CEP83: variants seen among roughly 807,000 people sequenced by gnomAD.
CEP83 encodes the protein centrosomal protein 83.
In CEP83, 70 loss-of-function variants were observed where a neutral mutation model predicts 101.9. The ratio of observed to expected loss-of-function variants is 0.69; its 90% CI spans 0.57 to 0.84. The LOEUF is 0.84. Ranked by LOEUF, CEP83 falls within the 40% of genes least tolerant of loss-of-function variation. CEP83 has a pLI of 0.00. For synonymous variants in CEP83, 264 were observed against 267.9 expected (o/e 0.99, Z 0.14); for missense variants, 715 against 787.2 (o/e 0.91, Z 1.10).
chr12:94,430,810 C>T (rs557226748), intron 2 of CEP83, among the ~76,000 whole-genome samples: 7 of 152,276 alleles, frequency 4.6e-5, no homozygotes, highest in Admixed American at 3.9e-4. Flanking sequence ...CCACAAAGCA[C>T]GTTATAGTCA....
intron 1 of CEP83, among the ~76,000 whole-genome samples, chr12:94,452,498 A>G (rs1399268530): frequency 2.0e-5 from 3 of 152,220 alleles, no homozygotes; most frequent in Non-Finnish European, 4.4e-5. Flanking sequence ...TCACTAAGCC[A>G]CTTAATTGAC....
chr12:94,276,189 C>T, the CEP83 span, among the ~76,000 whole-genome samples: 1 of 152,154 alleles, frequency 6.6e-6, no homozygotes, highest in Non-Finnish European at 1.5e-5. Flanking sequence ...AACTATTAAA[C>T]AAGCTGAGAT....
chr12:94,318,333 A>G (rs1271385581), intron 14 of CEP83, among the ~76,000 whole-genome samples: 1 of 152,192 alleles, frequency 6.6e-6, no homozygotes, highest in East Asian at 1.9e-4. Flanking sequence ...GGTTTCCTAA[A>G]CATAAAACCA....
intron 1 of CEP83, among the ~76,000 whole-genome samples, chr12:94,450,389 C>T (rs2067161588): frequency 6.6e-6 from 1 of 152,060 alleles, no homozygotes; most frequent in Non-Finnish European, 1.5e-5. Context: ...GTAGCTGGGA[C>T]TACAGGTGCC....
rs138485039 is a variant in CEP83, at chr12:94,356,482, G to A, written c.1343+11312C>T. 9.6e-4 allele frequency among the ~76,000 whole-genome samples: 146 copies of A among 152,244 alleles called. 1 individual carries two copies. Among genetic ancestry groups the A allele is most frequent in the East Asian group, 5.4e-3 (28 of 5,178 alleles). The stretch of plus-strand genomic sequence containing the variant: ...AAAATAGCTGCCCCAGTGACTGTTC[G>A]AGCAGCGCCTCGAGCGATGGCTCTT... On this transcript the variant is annotated intron_variant, in intron 11 of 16. Coordinates refer to ENST00000397809, the MANE Select transcript of CEP83 (RefSeq NM_016122.3).
intron 7 of CEP83, among the ~76,000 whole-genome samples, chr12:94,376,690 T>TATACAC (rs1555235995): frequency 0.06 from 7,004 of 116,880 alleles, 209 homozygotes; most frequent in Admixed American, 0.08. Context: ...TATACATATA[T>TATACAC]ACACACACAC....
At chr12:94,321,649 G>C (rs1200426382) in intron 14 of CEP83, among the ~76,000 whole-genome samples, 1 of 151,632 alleles carries the variant, frequency 6.6e-6, no homozygotes, top group Non-Finnish European at 1.5e-5. Context: ...ACTTTTCTGA[G>C]GTAGGTGCTT....
intron 12 of CEP83, among the ~76,000 whole-genome samples, chr12:94,334,315 T>C (rs1203622719): frequency 1.3e-5 from 2 of 152,160 alleles, no homozygotes; most frequent in South Asian, 2.1e-4. Flanking sequence ...AGCTTTTTTT[T>C]CCATCCCAAT....
intron 4 of CEP83, among the ~76,000 whole-genome samples, chr12:94,406,931 CAAAAAA>C (rs572356113): frequency 2.0e-5 from 2 of 100,320 alleles, no homozygotes; most frequent in Non-Finnish European, 4.5e-5. Flanking sequence ...TGTCTCAAAA[CAAAAAA>C]AAAAAAACAA....
chr12:94,374,779 G>C (rs546991437), intron 8 of CEP83, among the ~76,000 whole-genome samples: 2 of 152,164 alleles, frequency 1.3e-5, no homozygotes, highest in African/African-American at 4.8e-5. Context: ...CTTATTTAAG[G>C]ATATCACCAG....
intron 6 of CEP83, among the ~76,000 whole-genome samples, chr12:94,395,387 C>G (rs563210142): frequency 6.6e-6 from 1 of 151,142 alleles, no homozygotes; most frequent in Non-Finnish European, 1.5e-5. Flanking sequence ...AAAATAATCA[C>G]TATTATGATG....
At chr12:94,323,834 A>G (rs1263366329) in intron 14 of CEP83, among the ~76,000 whole-genome samples, 12 of 152,208 alleles carry the variant, frequency 7.9e-5, no homozygotes, top group Admixed American at 7.9e-4. Context: ...ATTTTTATAG[A>G]TACCATTTAT....
At chr12:94,424,296 G>A (rs369366309) in intron 2 of CEP83, 56 of 1,614,038 alleles carry the variant, frequency 3.5e-5, no homozygotes, top group South Asian at 1.8e-4. Flanking sequence ...TGGTTCTGTC[G>A]TTTCTTTGGC....
chr12:94,370,502 T>C (rs1381511946), intron 8 of CEP83, among the ~76,000 whole-genome samples: 1 of 152,182 alleles, frequency 6.6e-6, no homozygotes, highest in Non-Finnish European at 1.5e-5. Context: ...GCATTCCAAG[T>C]AGCTGTCAGG....
At chr12:94,441,853 T>C (rs554843190) in intron 1 of CEP83, among the ~76,000 whole-genome samples, 2 of 142,760 alleles carry the variant, frequency 1.4e-5, no homozygotes, top group Non-Finnish European at 3.0e-5. Context: ...AGGCAGAGCT[T>C]GCAGTGAGCC....
At chr12:94,445,890 C>A (rs558924916) in intron 1 of CEP83, among the ~76,000 whole-genome samples, 2 of 152,146 alleles carry the variant, frequency 1.3e-5, no homozygotes, top group Non-Finnish European at 2.9e-5. Flanking sequence ...CCAGGATAGG[C>A]TCTAGCCACC....
At chr12:94,286,995 C>A in the CEP83 span, among the ~76,000 whole-genome samples, 1 of 152,204 alleles carries the variant, frequency 6.6e-6, no homozygotes, top group Non-Finnish European at 1.5e-5. Context: ...CTGGCTGACA[C>A]CCTTGGCAAC....
chr12:94,305,127 G>C, downstream of CEP83: 2 of 1,163,662 alleles, frequency 1.7e-6, no homozygotes, highest in Non-Finnish European at 2.5e-6. Context: ...GCAAAAAACA[G>C]AATTGTAACG....
chr12:94,306,837 T>G (rs1302300048), downstream of CEP83: 1 of 152,194 alleles, frequency 6.6e-6, no homozygotes, highest in Non-Finnish European at 1.5e-5. Context: ...GATAGGCACC[T>G]TCCCAATCCT....
Sources: allele counts gnomAD v4.1 joint callset (sites outside exome capture counted in the v4.1 genomes callset), GRCh38; gene constraint gnomAD v4.1.1; transcripts MANE v1.5; gene names NCBI Gene and HGNC (gene_info 2026-07-23, HGNC 2026-07-21).